Variants in DOCK3 observed in about 807,000 individuals in gnomAD.
DOCK3 encodes dedicator of cytokinesis 3, also known as dedicator of cytokinesis protein 3.
Under a neutral mutation model 265.6 loss-of-function variants are expected in DOCK3, and 60 were observed. The observed-to-expected ratio is 0.23, with a 90% CI of 0.18 to 0.28. DOCK3 has a LOEUF of 0.28. Ranked by LOEUF, DOCK3 falls within the 10% of genes least tolerant of loss-of-function variation. The probability of loss-of-function intolerance (pLI) is 1.00; values close to 1 mark genes in which losing one functional copy is unlikely to be tolerated. For synonymous variants in DOCK3, 881 were observed against 938.0 expected, an observed-to-expected ratio of 0.94 and a Z score of 1.11; for missense variants, 1,981 against 2,594.3, an observed-to-expected ratio of 0.76 and a Z score of 5.14.
At chr3:51,167,833 T>C (rs1030104370) in intron 12 of DOCK3, among the ~76,000 whole-genome samples, 24 of 152,220 alleles carry the variant, frequency 1.6e-4, no homozygotes, top group Non-Finnish European at 2.4e-4. Flanking sequence ...TAACAGTTTT[T>C]TGATTGAATC....
intron 1 of DOCK3, among the ~76,000 whole-genome samples, chr3:50,680,679 A>T (rs1178814212): frequency 2.8e-5 from 4 of 144,080 alleles, no homozygotes; most frequent in African/African-American, 7.6e-5. Flanking sequence ...CGAATTTTTA[A>T]TTTTTTTTTT....
At chr3:51,055,685 C>T (rs2081172117) in intron 5 of DOCK3, among the ~76,000 whole-genome samples, 1 of 152,128 alleles carries the variant, frequency 6.6e-6, no homozygotes, top group Non-Finnish European at 1.5e-5. Context: ...AATGGATGCC[C>T]TTCACTTGGC....
intron 12 of DOCK3, among the ~76,000 whole-genome samples, chr3:51,202,490 G>A (rs1187159777): frequency 6.6e-6 from 1 of 152,068 alleles, no homozygotes; most frequent in Non-Finnish European, 1.5e-5. Context: ...TCTCTGAATA[G>A]ACCAATAACA....
chr3:51,346,060 AT>A (rs1441599552), intron 38 of DOCK3, among the ~76,000 whole-genome samples: 2 of 152,158 alleles, frequency 1.3e-5, no homozygotes, highest in South Asian at 2.1e-4. Context: ...ATAATAAAAC[AT>A]TTTTATTAGT....
intron 27 of DOCK3, among the ~76,000 whole-genome samples, chr3:51,295,604 T>C (rs1202743999): frequency 6.6e-6 from 1 of 152,156 alleles, no homozygotes; most frequent in Non-Finnish European, 1.5e-5. Flanking sequence ...AAACTAAAAA[T>C]AGAAGCAAAC....
rs577460523 is a variant in DOCK3, at chr3:50,925,258, G to A, written c.219-8723G>A. 4.7e-4 allele frequency among the ~76,000 whole-genome samples: 71 copies of A among 152,278 alleles called. No individual in the cohort carries two copies. The South Asian group carries it at 0.014, about 31-fold the overall frequency. On this transcript the variant is annotated intron_variant, in intron 4 of 52. Coordinates refer to ENST00000266037, the MANE Select transcript of DOCK3 (RefSeq NM_004947.5). ...TCTTGCATGAGCATCAAAAAAGTGA[G>A]CATTAAGCTTTTTGCAGTCCTGGTT... is the stretch of plus-strand genomic sequence containing the variant.
intron 10 of DOCK3, among the ~76,000 whole-genome samples, chr3:51,147,299 C>T (rs1037898964): frequency 1.3e-5 from 2 of 152,178 alleles, no homozygotes; most frequent in Non-Finnish European, 2.9e-5. Context: ...AAATAGTCCT[C>T]TTCCAAATAC....
Position 50,675,057 on chromosome 3 carries a change from G to A in DOCK3, c.-207G>A, listed in dbSNP as rs1015700428. The A allele has an allele frequency of 1.7e-5, 3 of 173,232 alleles. No individual in the cohort carries two copies. The highest frequency in any genetic ancestry group is 3.4e-5 in the Non-Finnish European group (3 of 88,046). The allele number at this position is 173,232 out of a possible 1,614,324, so 10.7% of individuals were successfully genotyped here. A position where few individuals can be genotyped will look rare whatever the true frequency, so the allele number is the denominator to read the frequency against. On this transcript the variant is annotated 5_prime_UTR_variant, in exon 1 of 53. Transcript: ENST00000266037. The surrounding 1 kb of genome is among the most constrained non-coding windows in gnomAD (Gnocchi z 6.1). ...GCCTTCGCCCGCGCCGCCAGGGGCT[G>A]CTGGGCCACCCGCGGAGCCTCGCGG... is the stretch of plus-strand genomic sequence containing the variant.
chr3:51,225,867 T>C (rs2090306683), intron 15 of DOCK3, 94 bp downstream of exon 15: 2 of 1,440,924 alleles, frequency 1.4e-6, no homozygotes, highest in East Asian at 4.9e-5. Context: ...TCAAGCAGGA[T>C]TAAAATCACC....
Position 51,075,459 on chromosome 3 carries a change from G to A in DOCK3, c.549+19G>A. ...TAAGATGGTAAGAAATCTAACATGA[G>A]GTAGCTTGTTCCTGCATACCTCATT... is the stretch of plus-strand genomic sequence containing the variant. On this transcript the variant is annotated intron_variant, in intron 7 of 52. Transcript: ENST00000266037. 6.4e-7 allele frequency: 1 copy of A among 1,569,538 alleles called. No homozygotes were observed.
At chr3:51,029,394 T>G (rs1012064771) in intron 5 of DOCK3, among the ~76,000 whole-genome samples, 1 of 152,216 alleles carries the variant, frequency 6.6e-6, no homozygotes, top group Non-Finnish European at 1.5e-5. Flanking sequence ...TCTCTCAGCA[T>G]GTGCTTGGCT....
At chr3:50,832,281 C>A (rs1255105644) in intron 2 of DOCK3, among the ~76,000 whole-genome samples, 1 of 152,142 alleles carries the variant, frequency 6.6e-6, no homozygotes, top group Non-Finnish European at 1.5e-5. Flanking sequence ...CTAGGTAGTA[C>A]CATTCAGGAC....
chr3:50,719,880 C>T, intron 1 of DOCK3: 1 of 656,120 alleles, frequency 1.5e-6, no homozygotes, highest in Non-Finnish European at 2.8e-6. Context: ...AAGTTTTCTG[C>T]TGTTTTTGAA....
intron 4 of DOCK3, among the ~76,000 whole-genome samples, chr3:50,909,210 A>C (rs1455488708): frequency 1.3e-5 from 2 of 152,044 alleles, no homozygotes; most frequent in Non-Finnish European, 2.9e-5. Context: ...TTAGCCCATT[A>C]ACATTTAAGT....
chr3:51,277,126 C>A (rs973887242), intron 25 of DOCK3, among the ~76,000 whole-genome samples: 17 of 152,168 alleles, frequency 1.1e-4, no homozygotes, highest in African/African-American at 4.1e-4. Flanking sequence ...GAGGAGAAAA[C>A]AGCGTGCTTA....
intron 32 of DOCK3, among the ~76,000 whole-genome samples, chr3:51,317,867 G>A (rs1461485413): frequency 1.3e-5 from 2 of 151,966 alleles, no homozygotes; most frequent in East Asian, 3.9e-4. Flanking sequence ...AGATCAGTAT[G>A]TTTATTCTTT....
chr3:51,204,067 A>G (rs2089004573), intron 12 of DOCK3, among the ~76,000 whole-genome samples: 1 of 148,530 alleles, frequency 6.7e-6, no homozygotes, highest in African/African-American at 2.5e-5. Context: ...AAACCCTAGA[A>G]GAAAACCTAG....
At chr3:50,780,683 G>T (rs939853391) in intron 2 of DOCK3, among the ~76,000 whole-genome samples, 2 of 152,068 alleles carry the variant, frequency 1.3e-5, no homozygotes, top group Admixed American at 6.5e-5. Flanking sequence ...ATTTGTTTTG[G>T]TTGAGAAAGT....
chr3:50,758,639 A>G (rs963486953), intron 1 of DOCK3, among the ~76,000 whole-genome samples: 2 of 152,108 alleles, frequency 1.3e-5, no homozygotes, highest in Non-Finnish European at 2.9e-5. Context: ...CATCTTCCTC[A>G]GCTTGAACTC....
Sources: gnomAD v4.1 joint callset for allele counts (sites outside exome capture counted in the v4.1 genomes callset) on GRCh38, gnomAD v4.1.1 for gene constraint, Gnocchi (gnomAD v3.1) non-coding constraint, MANE v1.5 for transcripts, NCBI Gene and HGNC (gene_info 2026-07-23, HGNC 2026-07-21) for gene names.